Variants in COL6A3 observed in about 807,000 individuals in gnomAD.
COL6A3 encodes the protein collagen alpha-3(VI) chain.
In COL6A3, 137 loss-of-function variants were observed where a neutral mutation model predicts 274.1. The ratio of observed to expected loss-of-function variants is 0.50; its 90% confidence interval spans 0.44 to 0.58. COL6A3 has a LOEUF of 0.58. Ranked by LOEUF, COL6A3 falls within the 20% of genes least tolerant of loss-of-function variation. The pLI, the probability that COL6A3 is intolerant of heterozygous loss-of-function variation, is 0.00. For synonymous variants in COL6A3, 1,650 were observed against 1,650.6 expected, an observed-to-expected ratio of 1.00 and a Z score of 0.01; for missense variants, 3,950 against 4,124.9, an observed-to-expected ratio of 0.96 and a Z score of 1.16.
chr2:237,394,603 GGTTTCCGT>G lies in COL6A3; in HGVS notation c.685_692del (p.Thr229ProfsTer2). On this transcript the variant is annotated frameshift_variant, in exon 3 of 44. Transcript: ENST00000295550. LOFTEE classifies it high-confidence loss of function. ...TGCCATTACCTGTGATGTCTTTAAG[GGTTTCCGT>G]GTCCCCAGCCCTTTCTGGACTCACG... is the stretch of plus-strand genomic sequence containing the variant. 11 of 1,614,060 alleles carry G rather than the reference GGTTTCCGT, an allele frequency of 6.8e-6. No homozygotes were observed. Among genetic ancestry groups the G allele is most frequent in the Non-Finnish European group, 9.3e-6 (11 of 1,180,026 alleles).
At chr2:237,329,513 G>A (rs1056912123) in intron 42 of COL6A3, 1 of 152,140 alleles carries the variant, frequency 6.6e-6, no homozygotes, top group Non-Finnish European at 1.5e-5. Context: ...TCCTCACACA[G>A]CGATGAACAA....
chr2:237,369,061 T>A lies in COL6A3; in HGVS notation c.4402A>T (p.Ile1468Phe), dbSNP rs759366102. The A allele has an allele frequency of 3.1e-6, 5 of 1,614,120 alleles. No individual in the cohort carries two copies. The highest frequency in any genetic ancestry group is 1.7e-5 in the Admixed American group (1 of 60,010). ...FVSRIVRRLN[I>F]GPSKVRVGVV... ...CCAACTCTCACTTTACTGGGGCCGA[T>A]GTTGAGTCTTCGAACAATCCTGCTA... Residue 1468 changes from isoleucine (I) to phenylalanine (F), a missense_variant, in exon 10 of 44, where the codon ATC becomes TTC. This residue lies in a region of COL6A3 where 1,934 missense variants were observed against 1,984.3 expected (regional missense o/e 0.97). Transcript: ENST00000295550.
intron 23 of COL6A3, 157 bp from the exon 24 acceptor site, chr2:237,355,091 T>A: frequency 1.5e-6 from 1 of 680,264 alleles, no homozygotes; most frequent in Non-Finnish European, 2.6e-6. Context: ...CCACACCTCA[T>A]CAGCCCTGGG....
rs754143135 is a variant in COL6A3 at position 237,361,716 on chromosome 2, G to A, written c.6156+23C>T. The A allele has an allele frequency of 5.0e-6, 8 of 1,607,424 alleles. No individual in the cohort carries two copies. The highest frequency in any genetic ancestry group is 6.0e-6 in the Non-Finnish European group (7 of 1,173,886). ...GCTTCTGACACCTCATCTCAGGCGT[G>A]GGCAAGGGTAAAGCCACCGTACCTT... is the stretch of plus-strand genomic sequence containing the variant. On this transcript the variant is annotated intron_variant, in intron 15 of 43. Transcript: ENST00000295550. This position sits in a 1 kb window ranked among gnomAD's most constrained non-coding sequence, Gnocchi z 5.1.
At chr2:237,339,246 T>C (rs1018177208) in intron 38 of COL6A3, 129 bp from the exon 39 acceptor site, 1 of 716,926 alleles carries the variant, frequency 1.4e-6, no homozygotes, top group Non-Finnish European at 2.4e-6. Context: ...GAATTAACTA[T>C]ATCAGACAAA....
At chr2:237,334,492 G>T in intron 41 of COL6A3, 134 bp downstream of exon 41, 2 of 988,382 alleles carry the variant, frequency 2.0e-6, no homozygotes, top group Non-Finnish European at 3.1e-6. Flanking sequence ...GAGTTGTTTT[G>T]TTGTTGTTGC....
rs80272723 is a variant in COL6A3 at position 237,371,833 on chromosome 2, C to T, written c.4184G>A (p.Arg1395Gln). 5,895 of 1,613,540 alleles carry T rather than the reference C, an allele frequency of 3.7e-3. 170 individuals are homozygous for T. In the East Asian group the frequency reaches 0.076, roughly 21 times the overall value. Reference protein sequence around the residue: ...PEYVFSVSTFRELPSLEQKLL... With the variant: ...PEYVFSVSTFQELPSLEQKLL... The stretch of plus-strand genomic sequence containing the variant: ...TTTCTGCTCCAGGCTGGGCAGCTCC[C>T]GGAAGGTGCTCACCGAGAACACATA... Residue 1395 changes from arginine to glutamine, a missense_variant, in exon 9 of 44, where the codon CGG (arginine) becomes CAG (glutamine). Arg to Gln is a conservative substitution (Grantham distance 43, BLOSUM62 1). Around this residue, in one of 5 missense-constraint regions of COL6A3, gnomAD observed 1,934 missense variants for 1,984.3 expected, o/e 0.97. Transcript: ENST00000295550. The surrounding 1 kb of genome is among the most constrained non-coding windows in gnomAD (Gnocchi z 4.3).
At chr2:237,369,304 G>A in intron 9 of COL6A3, 127 bp from the exon 10 acceptor site, 2 of 1,304,984 alleles carry the variant, frequency 1.5e-6, no homozygotes, top group Non-Finnish European at 1.1e-6. Context: ...TGTGTTGTTT[G>A]TATCTCGGGC....
chr2:237,338,907 A>G (rs1559197666), intron 39 of COL6A3, 108 bp downstream of exon 39: 1 of 812,392 alleles, frequency 1.2e-6, no homozygotes, highest in Non-Finnish European at 2.1e-6. Flanking sequence ...GGGAAGTCAC[A>G]TTTTCTGGAT....
At chr2:237,333,296 A>C in intron 42 of COL6A3, 154 bp downstream of exon 42, 1 of 721,362 alleles carries the variant, frequency 1.4e-6, no homozygotes, top group Non-Finnish European at 2.5e-6. Context: ...GATTATGCAG[A>C]ATAAGATGAT....
At position 237,359,045 on chromosome 2, in the gene COL6A3, G is replaced by T; in HGVS notation, c.6398C>A (p.Pro2133His). The change falls in exon 20 of 44, where the codon CCT becomes CAT. Residue 2133 changes from proline (P) to histidine (H), a missense_variant. By Grantham distance (77) the Pro-to-His change is moderately conservative. Around this residue, in one of 5 missense-constraint regions of COL6A3, gnomAD observed 92 missense variants for 143.4 expected, o/e 0.64. Coordinates refer to ENST00000295550, the MANE Select transcript of COL6A3 (RefSeq NM_004369.4). ...LPGSSGEKGNPGRRGDKGPRG... is the reference protein window; with the variant it reads ...LPGSSGEKGNHGRRGDKGPRG... ...TGGAAATACACCTACCCTTCTTCCA[G>T]GATTCCCTTTCTCTCCAGAAGAACC... 1 of 1,614,032 alleles carries T rather than the reference G, an allele frequency of 6.2e-7. No homozygotes were observed. The highest frequency in any genetic ancestry group is 8.5e-7 in the Non-Finnish European group (1 of 1,179,906).
intron 42 of COL6A3, among the ~76,000 whole-genome samples, chr2:237,332,594 C>G (rs897097943): frequency 1.3e-5 from 2 of 152,192 alleles, no homozygotes; most frequent in African/African-American, 4.8e-5. Flanking sequence ...CTCCTCCTGA[C>G]AGTAGACGAT....
At chr2:237,380,808 C>T (rs1386543908) in intron 5 of COL6A3, 107 bp downstream of exon 5, 7 of 1,038,454 alleles carry the variant, frequency 6.7e-6, no homozygotes, top group Non-Finnish European at 1.0e-5. Context: ...CTGTTTTCAT[C>T]ATTTGTTGTC....
intron 1 of COL6A3, among the ~76,000 whole-genome samples, chr2:237,411,294 G>T (rs1421973296): frequency 6.6e-6 from 1 of 152,228 alleles, no homozygotes; most frequent in Non-Finnish European, 1.5e-5. Flanking sequence ...CTGCAAGGAA[G>T]TGTCACGCAA....
intron 3 of COL6A3, 68 bp downstream of exon 3, chr2:237,394,519 C>A: frequency 6.2e-7 from 1 of 1,607,246 alleles, no homozygotes; most frequent in Non-Finnish European, 8.5e-7. Flanking sequence ...TGCTTTAAGG[C>A]CAGCAGTTGC....
intron 13 of COL6A3, among the ~76,000 whole-genome samples, chr2:237,363,923 T>C (rs561255803): frequency 1.3e-5 from 2 of 152,362 alleles, no homozygotes; most frequent in Admixed American, 1.3e-4. Flanking sequence ...GTTTGGTACG[T>C]CATTGCTTAC....
rs2077922663 is a variant in COL6A3 at position 237,378,869 on chromosome 2, G to T, written c.2264C>A (p.Ser755Tyr). Residue 755 changes from serine to tyrosine, a missense_variant, in exon 6 of 44, where the codon TCT (serine) becomes TAT (tyrosine). Ser to Tyr is a moderately radical substitution (Grantham distance 144). Around this residue, in one of 5 missense-constraint regions of COL6A3, gnomAD observed 1,934 missense variants for 1,984.3 expected, o/e 0.97. Transcript: ENST00000295550. ...GGCAGCTTGCAAATAGGAGTCCTCA[G>T]ACTGCCCAGCTGTGAGCAGAAGCAG... is the stretch of plus-strand genomic sequence containing the variant. ...QLLLLLTAGQ[S>Y]EDSYLQAANA... 6.2e-7 allele frequency: 1 copy of T among 1,614,118 alleles called. No homozygotes were observed. Among genetic ancestry groups the T allele is most frequent in the African/African-American group, 1.3e-5 (1 of 74,948 alleles).
rs1457657568 is a variant in COL6A3, at chr2:237,352,565, C to A, written c.6710G>T (p.Gly2237Val). Residue 2237 changes from glycine (G) to valine (V), a missense_variant, in exon 26 of 44, where the codon GGT (glycine) becomes GTT (valine). By Grantham distance (109) the Gly-to-Val change is moderately radical (BLOSUM62 -3). Around this residue, in one of 5 missense-constraint regions of COL6A3, gnomAD observed 1,284 missense variants for 1,349.7 expected, o/e 0.95. Transcript: ENST00000295550. ...TTGTTCTCCTATCAGCCCTGGAGGA[C>A]CAGCAGGACCAGCTGGGCCCTGAGG... ...RGAQGPAGPAGPPGLIGEQGI... is the reference protein window; with the variant it reads ...RGAQGPAGPAVPPGLIGEQGI... 1.2e-6 allele frequency: 2 copies of A among 1,613,472 alleles called. No homozygotes were observed. The highest frequency in any genetic ancestry group is 2.7e-5 in the African/African-American group (2 of 74,918).
intron 5 of COL6A3, among the ~76,000 whole-genome samples, chr2:237,380,712 A>G (rs1346839133): frequency 6.6e-6 from 1 of 152,256 alleles, no homozygotes; most frequent in Non-Finnish European, 1.5e-5. Context: ...TGGTTCTTAT[A>G]TGAAATTTCA....
Sources: allele counts gnomAD v4.1 joint callset (sites outside exome capture counted in the v4.1 genomes callset), GRCh38; gene constraint gnomAD v4.1.1; regional missense constraint gnomAD v4.1.1; non-coding constraint Gnocchi (gnomAD v3.1); transcripts MANE v1.5; gene names NCBI Gene and HGNC (gene_info 2026-07-23, HGNC 2026-07-21).